The following CUX1 variants were observed in gnomAD, a reference collection of about 807,000 sequenced individuals.
CUX1 encodes the protein protein CASP.
A neutral mutation model predicts 158.8 loss-of-function variants in CUX1; 31 were observed. The ratio of observed to expected loss-of-function variants is 0.20; its 90% confidence interval spans 0.15 to 0.26. The LOEUF (loss-of-function observed/expected upper bound fraction) is 0.26, where lower values mean the gene tolerates loss of function less well. Among genes scored for constraint, CUX1 ranks in the 10% least tolerant of loss-of-function variants. The pLI is 1.00. For synonymous variants in CUX1, 879 were observed against 862.1 expected (o/e 1.02, Z -0.34); for missense variants, 1,589 against 2,014.6 (o/e 0.79, Z 4.04).
At chr7:102,077,413 G>C (rs1826883938) in intron 4 of CUX1, among the ~76,000 whole-genome samples, 1 of 151,824 alleles carries the variant, frequency 6.6e-6, no homozygotes, top group African/African-American at 2.4e-5. Flanking sequence ...CTGGGGATCG[G>C]GCGCAGTGGC....
intron 8 of CUX1, among the ~76,000 whole-genome samples, chr7:102,136,791 A>G (rs1833956207): frequency 6.6e-6 from 1 of 152,186 alleles, no homozygotes; most frequent in South Asian, 2.1e-4. Context: ...TGCTCCAAGC[A>G]TTTTGTAATC....
intron 8 of CUX1, among the ~76,000 whole-genome samples, chr7:102,118,909 A>T (rs1442356573): frequency 6.6e-6 from 1 of 152,090 alleles, no homozygotes; most frequent in Non-Finnish European, 1.5e-5. Flanking sequence ...GCGCCACCAC[A>T]TCCAGCTAAT....
intron 8 of CUX1, among the ~76,000 whole-genome samples, chr7:102,147,322 C>T (rs1835131690): frequency 6.6e-6 from 1 of 152,198 alleles, no homozygotes; most frequent in Non-Finnish European, 1.5e-5. Context: ...TCTCTCCTCC[C>T]CTCCTCCCCT....
intron 16 of CUX1, among the ~76,000 whole-genome samples, chr7:102,274,485 G>A (rs548997155): frequency 4.6e-4 from 70 of 152,314 alleles, no homozygotes; most frequent in Non-Finnish European, 5.0e-4. Context: ...GTGTGGTGGC[G>A]CACACCTATA....
intron 3 of CUX1, among the ~76,000 whole-genome samples, chr7:102,041,330 C>T (rs1035231027): frequency 4.6e-5 from 6 of 131,470 alleles, no homozygotes; most frequent in African/African-American, 1.4e-4. Context: ...CAGTGGCTCA[C>T]CATAATCTCT....
At chr7:102,234,379 G>T in intron 22 of CUX1, 139 bp downstream of exon 22, 1 of 711,076 alleles carries the variant, frequency 1.4e-6, no homozygotes, top group Non-Finnish European at 2.0e-6. Context: ...AATATTTTTG[G>T]ATGGTCATCA....
At chr7:102,173,935 A>G (rs1013656268) in intron 10 of CUX1, among the ~76,000 whole-genome samples, 11 of 152,102 alleles carry the variant, frequency 7.2e-5, no homozygotes, top group African/African-American at 2.7e-4. Context: ...GCCAGCGGAA[A>G]AATGGTCTGT....
At chr7:101,895,908 GTTTTT>G (rs869038068) in intron 1 of CUX1, among the ~76,000 whole-genome samples, 5 of 93,998 alleles carry the variant, frequency 5.3e-5, no homozygotes, top group African/African-American at 1.9e-4. Context: ...TTTTGTTTTT[GTTTTT>G]TTTTTTTTTT....
chr7:102,119,708 T>C (rs1377812144), intron 8 of CUX1, among the ~76,000 whole-genome samples: 1 of 152,194 alleles, frequency 6.6e-6, no homozygotes, highest in East Asian at 1.9e-4. Context: ...TCTGCCCTTT[T>C]TTTCTTTTTT....
chr7:102,143,817 G>T (rs1453839902), intron 8 of CUX1, among the ~76,000 whole-genome samples: 12 of 151,572 alleles, frequency 7.9e-5, no homozygotes, highest in Admixed American at 6.6e-4. Flanking sequence ...GTCTCAATCT[G>T]TCTCACCAAG....
intron 3 of CUX1, among the ~76,000 whole-genome samples, chr7:102,060,580 CATATATAT>C (rs1041452973): frequency 5.9e-5 from 7 of 119,150 alleles, no homozygotes; most frequent in African/African-American, 1.8e-4. Flanking sequence ...CACATATATA[CATATATAT>C]ATATACACAC....
Position 102,252,426 on chromosome 7 carries a change from A to G in CUX1, c.*3384A>G. 2 of 985,432 alleles carry G rather than the reference A, an allele frequency of 2.0e-6. No homozygotes were observed. The highest frequency in any genetic ancestry group is 2.4e-6 in the Non-Finnish European group (2 of 829,936). The allele number at this position is 985,432 out of a possible 1,614,324, so 61.0% of individuals were successfully genotyped here. ...CACGCTCTATGAGTTTAAAAAGCTGATTTGTACCTCTCCCCTGGGGGAAAC... is the reference window on the plus strand; with the variant it reads ...CACGCTCTATGAGTTTAAAAAGCTGGTTTGTACCTCTCCCCTGGGGGAAAC... On this transcript the variant is annotated 3_prime_UTR_variant, in exon 24 of 24. Transcript: ENST00000292535.
chr7:102,166,989 C>T (rs1198646895), intron 9 of CUX1, among the ~76,000 whole-genome samples: 4 of 152,022 alleles, frequency 2.6e-5, no homozygotes, highest in African/African-American at 7.2e-5. Context: ...GCAATCAGGC[C>T]GGGCGCGGTG....
chr7:101,856,250 G>T (rs964741860), intron 1 of CUX1, among the ~76,000 whole-genome samples: 27 of 151,224 alleles, frequency 1.8e-4, no homozygotes, highest in Admixed American at 6.6e-5. Flanking sequence ...CTGGAAGTGT[G>T]CAGTAAAGCA....
At chr7:102,130,021 C>T (rs956509516) in intron 8 of CUX1, among the ~76,000 whole-genome samples, 19 of 152,202 alleles carry the variant, frequency 1.2e-4, no homozygotes, top group African/African-American at 4.3e-4. Context: ...CAGGAGCGAG[C>T]GAGATAATTG....
chr7:102,167,121 A>T (rs1791128058), intron 9 of CUX1, among the ~76,000 whole-genome samples: 1 of 152,046 alleles, frequency 6.6e-6, no homozygotes, highest in Non-Finnish European at 1.5e-5. Flanking sequence ...TACAAAAATT[A>T]GCTGGGCGTG....
At chr7:102,026,996 C>T (rs911514030) in intron 2 of CUX1, among the ~76,000 whole-genome samples, 8 of 151,964 alleles carry the variant, frequency 5.3e-5, no homozygotes, top group African/African-American at 1.5e-4. Context: ...CCTGGTGTTT[C>T]GAAATGGGCA....
chr7:102,197,211 T>C lies in CUX1; in HGVS notation c.1800T>C (p.Thr600=), dbSNP rs1295423019. The C allele has an allele frequency of 6.2e-7, 1 of 1,614,118 alleles. No homozygotes were observed. The highest frequency in any genetic ancestry group is 1.3e-5 in the African/African-American group (1 of 74,940). ...LARPKPWNKL[T]VRGKEPFHKM... ...GGCCCAAGCCATGGAATAAACTGACTGTTCGTGGCAAGGAGCCATTTCACA... is the reference window on the plus strand; with the variant it reads ...GGCCCAAGCCATGGAATAAACTGACCGTTCGTGGCAAGGAGCCATTTCACA... Residue 600 remains threonine (T), a synonymous_variant, in exon 15 of 24, where the codon ACT becomes ACC. Transcript: ENST00000292535.
At position 101,927,070 on chromosome 7, in the gene CUX1, G is replaced by A. The variant is rs143212335; in HGVS notation, c.141+10845G>A. ...TGGCAGTGAGTGATCAAGGATGGGC[G>A]AAGGTACTTTGGGGAGTCAGAGAAC... On this transcript the variant is annotated intron_variant, in intron 2 of 23. Coordinates refer to ENST00000292535, the MANE Select transcript of CUX1 (RefSeq NM_181552.4). Among the ~76,000 whole-genome samples the A allele has an allele frequency of 2.0e-5, 3 of 152,250 alleles. No homozygotes were observed. In the East Asian group the frequency reaches 5.8e-4, roughly 29 times the overall value.
Sources: allele counts gnomAD v4.1 joint callset (sites outside exome capture counted in the v4.1 genomes callset), GRCh38; gene constraint gnomAD v4.1.1; transcripts MANE v1.5; gene names NCBI Gene and HGNC (gene_info 2026-07-23, HGNC 2026-07-21).